Variants in STK39 observed in about 807,000 individuals in gnomAD.
STK39 encodes STE20/SPS1-related proline-alanine-rich protein kinase.
STK39 carries 20 observed loss-of-function variants against 77.8 expected under a neutral mutation model. That is an observed-to-expected ratio of 0.26 (90% CI 0.18 to 0.37). STK39 has a LOEUF of 0.37. Ranked by LOEUF, STK39 falls within the 10% of genes least tolerant of loss-of-function variation. The pLI, the probability that STK39 is intolerant of heterozygous loss-of-function variation, is 1.00. For missense variants in STK39, 479 were observed against 656.5 expected (o/e 0.73, Z 2.95); for synonymous variants, 246 against 234.1 (o/e 1.05, Z -0.47).
intron 14 of STK39, among the ~76,000 whole-genome samples, chr2:168,032,388 T>C (rs1684851408): frequency 6.6e-6 from 1 of 152,224 alleles, no homozygotes; most frequent in South Asian, 2.1e-4. Context: ...GGGGTGTAAC[T>C]GTACCACCAA....
chr2:168,237,965 A>G (rs1690662805), intron 1 of STK39, among the ~76,000 whole-genome samples: 2 of 152,152 alleles, frequency 1.3e-5, no homozygotes, highest in Non-Finnish European at 2.9e-5. Flanking sequence ...CCTGAGAGAA[A>G]GAAAGAGAAC....
At chr2:168,101,207 G>C (rs952324048) in intron 10 of STK39, among the ~76,000 whole-genome samples, 1 of 152,106 alleles carries the variant, frequency 6.6e-6, no homozygotes, top group African/African-American at 2.4e-5. Context: ...GGGCTTGTCG[G>C]GGGTTAGGGG....
intron 10 of STK39, among the ~76,000 whole-genome samples, 197 bp from the exon 11 acceptor site, chr2:168,075,428 T>C (rs932764972): frequency 3.9e-5 from 6 of 152,146 alleles, no homozygotes; most frequent in South Asian, 2.1e-4. Flanking sequence ...TTTCCAAAAA[T>C]GCTGTGTTTT....
chr2:168,068,290 G>A (rs1328381408), intron 12 of STK39, among the ~76,000 whole-genome samples: 1 of 152,208 alleles, frequency 6.6e-6, no homozygotes, highest in Non-Finnish European at 1.5e-5. Flanking sequence ...GACAGGATAA[G>A]AGAGGAAAAG....
At chr2:168,186,163 T>G (rs560905930) in intron 1 of STK39, among the ~76,000 whole-genome samples, 2 of 152,178 alleles carry the variant, frequency 1.3e-5, no homozygotes, top group Admixed American at 1.3e-4. Context: ...AAAGAGACAA[T>G]AGAGAGCTTA....
Position 168,139,488 on chromosome 2 carries a change from T to C in STK39, c.840+801A>G, listed in dbSNP as rs1019440447. Among the ~76,000 whole-genome samples the C allele has an allele frequency of 3.2e-4, 49 of 151,624 alleles. 1 individual carries two copies. On this transcript the variant is annotated intron_variant, in intron 7 of 17. Transcript: ENST00000355999. ...ATTGTCTGGTTGATGAGATTACGGATGATTGTTTTTCTTCTTTAGTCTGAG... is the reference window on the plus strand; with the variant it reads ...ATTGTCTGGTTGATGAGATTACGGACGATTGTTTTTCTTCTTTAGTCTGAG...
chr2:168,167,077 TG>T (rs1688710739), intron 3 of STK39, among the ~76,000 whole-genome samples: 1 of 152,088 alleles, frequency 6.6e-6, no homozygotes, highest in African/African-American at 2.4e-5. Context: ...ATTTCATACC[TG>T]GAGAAGAGGA....
intron 5 of STK39, among the ~76,000 whole-genome samples, chr2:168,160,534 T>TGA (rs1688542604): frequency 1.2e-4 from 19 of 152,202 alleles, no homozygotes; most frequent in Admixed American, 1.0e-3. Flanking sequence ...TGCTTGCCTA[T>TGA]TATGTGTTGG....
At chr2:168,153,713 GAA>G (rs2105564441) in intron 5 of STK39, among the ~76,000 whole-genome samples, 1 of 152,216 alleles carries the variant, frequency 6.6e-6, no homozygotes, top group Non-Finnish European at 1.5e-5. Flanking sequence ...AGGAGGTAAG[GAA>G]AAGAGTATTC....
intron 10 of STK39, among the ~76,000 whole-genome samples, chr2:168,113,679 G>A (rs906957054): frequency 6.6e-6 from 1 of 152,208 alleles, no homozygotes; most frequent in African/African-American, 2.4e-5. Context: ...GGCTGTCTCA[G>A]TCACTCGCAC....
In STK39 at chr2:168,075,309, C is replaced by T. The variant is rs755463644; in HGVS notation, c.1090-78G>A. On this transcript the variant is annotated intron_variant, in intron 10 of 17. Coordinates refer to ENST00000355999, the MANE Select transcript of STK39 (RefSeq NM_013233.3). ...CACTGGTGCTGCAACTTGGGTTATA[C>T]GGCATACACACCAACCTGAAAATAA... The T allele has an allele frequency of 6.9e-5, 110 of 1,584,592 alleles. 1 individual carries two copies. The South Asian group carries it at 7.0e-4, about 10-fold the overall frequency.
rs1046335083 is a variant in STK39 at position 168,116,613 on chromosome 2, G to A, written c.1089+12928C>T. On this transcript the variant is annotated intron_variant, in intron 10 of 17. Transcript: ENST00000355999. Reference sequence around the variant, plus strand: ...AAGCAGACTCCCGACCCCCAACAATGATGTCTCAAACATATGTACCACACC... The same window carrying A: ...AAGCAGACTCCCGACCCCCAACAATAATGTCTCAAACATATGTACCACACC... Among the ~76,000 whole-genome samples the A allele has an allele frequency of 2.0e-5, 3 of 152,238 alleles. No individual in the cohort carries two copies. In the South Asian group the frequency reaches 6.2e-4, roughly 32 times the overall value.
chr2:168,112,248 T>A (rs1253065304), intron 10 of STK39, among the ~76,000 whole-genome samples: 2 of 152,124 alleles, frequency 1.3e-5, no homozygotes, highest in Non-Finnish European at 2.9e-5. Context: ...TTCAGAGCAG[T>A]GGTCTTCACA....
At chr2:168,241,259 G>T (rs1690750334) in intron 1 of STK39, among the ~76,000 whole-genome samples, 1 of 152,178 alleles carries the variant, frequency 6.6e-6, no homozygotes, top group South Asian at 2.1e-4. Context: ...GAAAATGAAG[G>T]CCTCTGTCCT....
At chr2:168,169,777 A>G (rs1688778396) in intron 2 of STK39, among the ~76,000 whole-genome samples, 1 of 152,132 alleles carries the variant, frequency 6.6e-6, no homozygotes, top group African/African-American at 2.4e-5. Context: ...AATTTAAATG[A>G]GTGGGGGATG....
At chr2:168,211,486 G>A (rs1689890023) in intron 1 of STK39, among the ~76,000 whole-genome samples, 2 of 152,228 alleles carry the variant, frequency 1.3e-5, no homozygotes, top group Admixed American at 1.3e-4. Context: ...GACAGGCCAG[G>A]AGTTCAGCCT....
intron 14 of STK39, among the ~76,000 whole-genome samples, chr2:168,061,020 C>T (rs1481986097): frequency 6.6e-6 from 1 of 152,128 alleles, no homozygotes; most frequent in Non-Finnish European, 1.5e-5. Context: ...TTGAAACACA[C>T]AGTGGACAAG....
At chr2:168,187,020 G>A (rs1222099851) in intron 1 of STK39, among the ~76,000 whole-genome samples, 1 of 152,202 alleles carries the variant, frequency 6.6e-6, no homozygotes, top group African/African-American at 2.4e-5. Flanking sequence ...CCATAGCAAA[G>A]ATTGTCATGT....
chr2:168,121,267 A>G (rs968031326), intron 10 of STK39, among the ~76,000 whole-genome samples: 30 of 152,218 alleles, frequency 2.0e-4, no homozygotes, highest in African/African-American at 7.2e-4. Flanking sequence ...TTCCATCTGT[A>G]AAGTGTGACA....
Sources: gnomAD v4.1 joint callset for allele counts (sites outside exome capture counted in the v4.1 genomes callset) on GRCh38, gnomAD v4.1.1 for gene constraint, MANE v1.5 for transcripts, NCBI Gene and HGNC (gene_info 2026-07-23, HGNC 2026-07-21) for gene names.